NCAM1: variants seen among roughly 807,000 people sequenced by gnomAD.
NCAM1 encodes the protein neural cell adhesion molecule 1.
In NCAM1, 14 loss-of-function variants were observed where a neutral mutation model predicts 109.8. That is an observed-to-expected ratio of 0.13 (90% CI 0.08 to 0.20). The LOEUF (loss-of-function observed/expected upper bound fraction) is 0.20, where lower values mean the gene tolerates loss of function less well. Ranked by LOEUF, NCAM1 falls within the 10% of genes least tolerant of loss-of-function variation. NCAM1 has a pLI of 1.00. For synonymous variants in NCAM1, 418 were observed against 442.9 expected (o/e 0.94, Z 0.70); for missense variants, 774 against 1,109.9 (o/e 0.70, Z 4.30).
chr11:113,112,335 G>A (rs77841931), intron 1 of NCAM1, among the ~76,000 whole-genome samples: 3 of 152,140 alleles, frequency 2.0e-5, no homozygotes, highest in East Asian at 1.9e-4. Context: ...CCTTTAAAAG[G>A]CACAATAAAT....
At chr11:113,221,406 A>C (rs1395682798) in intron 9 of NCAM1, 81 bp downstream of exon 9, 3 of 1,378,982 alleles carry the variant, frequency 2.2e-6, no homozygotes, top group Non-Finnish European at 3.0e-6. Context: ...TAATAACCAG[A>C]CATGCTAAAC....
At chr11:113,230,031 A>G (rs1339354390) in intron 9 of NCAM1, among the ~76,000 whole-genome samples, 1 of 152,154 alleles carries the variant, frequency 6.6e-6, no homozygotes. Context: ...ATGTATACGT[A>G]TGTAACAAAC....
At chr11:112,971,723 A>G (rs572864674) in intron 1 of NCAM1, among the ~76,000 whole-genome samples, 7 of 152,230 alleles carry the variant, frequency 4.6e-5, no homozygotes, top group Admixed American at 2.6e-4. Context: ...GATAACTGGG[A>G]ATACCAGGTA....
rs1472534603 is a variant in NCAM1, at chr11:113,233,509, G to A, written c.1693+192G>A. ...CCCATGCTCTGTGCTTCAGAGCCTG[G>A]TTCTCATGACCCTTCCAGTATGGAT... On this transcript the variant is annotated intron_variant, in intron 13 of 19. Coordinates refer to ENST00000316851, the MANE Select transcript of NCAM1 (RefSeq NM_181351.5). The surrounding 1 kb of genome is among the most constrained non-coding windows in gnomAD (Gnocchi z 4.5). Among the ~76,000 whole-genome samples, 1 of 152,156 alleles carries A rather than the reference G, an allele frequency of 6.6e-6. No homozygotes were observed. The highest frequency in any genetic ancestry group is 2.4e-5 in the African/African-American group (1 of 41,432).
chr11:113,224,245 T>C (rs571743172), intron 9 of NCAM1, among the ~76,000 whole-genome samples: 1 of 152,308 alleles, frequency 6.6e-6, no homozygotes, highest in East Asian at 1.9e-4. Context: ...AATACTACAC[T>C]TTTCCGATGG....
At chr11:113,214,840 G>GTCCA (rs2137025051) in intron 8 of NCAM1, among the ~76,000 whole-genome samples, 1 of 152,262 alleles carries the variant, frequency 6.6e-6, no homozygotes, top group East Asian at 1.9e-4. Context: ...CAATATCCTG[G>GTCCA]TCCACCAGGT....
intron 1 of NCAM1, among the ~76,000 whole-genome samples, chr11:112,984,268 A>G (rs1453847680): frequency 6.6e-6 from 1 of 151,908 alleles, no homozygotes; most frequent in Admixed American, 6.6e-5. Context: ...ATATTCATAT[A>G]TATATATGAG....
At chr11:113,017,307 A>T (rs782310607) in intron 1 of NCAM1, among the ~76,000 whole-genome samples, 1 of 152,210 alleles carries the variant, frequency 6.6e-6, no homozygotes, top group Non-Finnish European at 1.5e-5. Context: ...TGGAAATTTA[A>T]TTGTGTTTAG....
chr11:113,216,342 C>T (rs971776784), intron 8 of NCAM1, among the ~76,000 whole-genome samples: 2 of 151,568 alleles, frequency 1.3e-5, no homozygotes, highest in Non-Finnish European at 2.9e-5. Flanking sequence ...TTAGTAGAGA[C>T]GGGGTTTCAC....
intron 1 of NCAM1, among the ~76,000 whole-genome samples, chr11:113,196,932 G>A (rs1943873364): frequency 1.3e-5 from 2 of 152,198 alleles, no homozygotes; most frequent in Admixed American, 1.3e-4. Flanking sequence ...AAAGGGAAGA[G>A]GTTTAATTGA....
In NCAM1 at chr11:113,115,426, G is replaced by T. The variant is rs563443669; in HGVS notation, c.53-86953G>T. On this transcript the variant is annotated intron_variant, in intron 1 of 19. Transcript: ENST00000316851. ...TTCCCCAATTCTGTGCTAAGGAAGT[G>T]AAATTGCCATCAGTTTTAGTTTTTA... Among the ~76,000 whole-genome samples, 10 of 152,272 alleles carry T rather than the reference G, an allele frequency of 6.6e-5. No homozygotes were observed. In the East Asian group the frequency reaches 1.9e-3, roughly 29 times the overall value.
intron 3 of NCAM1, 103 bp from the exon 4 acceptor site, chr11:113,205,420 C>A: frequency 7.0e-7 from 1 of 1,421,072 alleles, no homozygotes; most frequent in Non-Finnish European, 9.4e-7. Flanking sequence ...ACATCAGGAT[C>A]GAGACTTGCC....
intron 1 of NCAM1, among the ~76,000 whole-genome samples, chr11:113,011,335 G>A (rs1165937681): frequency 2.7e-5 from 4 of 150,022 alleles, no homozygotes; most frequent in African/African-American, 9.8e-5. Context: ...GTGTATATGT[G>A]CCACATTTTC....
At chr11:113,222,884 G>C (rs935947914) in intron 9 of NCAM1, among the ~76,000 whole-genome samples, 65 of 152,130 alleles carry the variant, frequency 4.3e-4, no homozygotes, top group African/African-American at 1.5e-3. Context: ...TCAAGTGAAT[G>C]CTGCCCCTAG....
chr11:113,018,373 C>T (rs1234196026), intron 1 of NCAM1, among the ~76,000 whole-genome samples: 1 of 151,696 alleles, frequency 6.6e-6, no homozygotes, highest in Admixed American at 6.6e-5. Context: ...CTAAAAGGTG[C>T]CTGCGTCTCC....
chr11:113,167,799 G>T (rs1011298040), intron 1 of NCAM1, among the ~76,000 whole-genome samples: 2 of 152,130 alleles, frequency 1.3e-5, no homozygotes, highest in Non-Finnish European at 2.9e-5. Flanking sequence ...GTTGGCAGGC[G>T]GACTTTTCTA....
chr11:113,035,719 G>A lies in NCAM1; in HGVS notation c.52+74055G>A, dbSNP rs563007808. On this transcript the variant is annotated intron_variant, in intron 1 of 19. Transcript: ENST00000316851. The stretch of plus-strand genomic sequence containing the variant: ...AACACTACCCCTGCTTTCCATATTT[G>A]CATTTATTAAGTATGTTTGGTCCAA... Among the ~76,000 whole-genome samples the A allele has an allele frequency of 4.6e-5, 7 of 152,208 alleles. No individual in the cohort carries two copies. In the East Asian group the frequency reaches 1.4e-3, roughly 29 times the overall value.
At chr11:113,217,300 C>G (rs1184575383) in intron 8 of NCAM1, among the ~76,000 whole-genome samples, 11 of 152,104 alleles carry the variant, frequency 7.2e-5, no homozygotes, top group African/African-American at 1.4e-4. Context: ...ACTTCCTTGC[C>G]CCTTCCTCTA....
chr11:113,117,455 T>C (rs1209855655), intron 1 of NCAM1, among the ~76,000 whole-genome samples: 1 of 151,892 alleles, frequency 6.6e-6, no homozygotes, highest in African/African-American at 2.4e-5. Flanking sequence ...TACCTTCCCG[T>C]CCCCCACTAA....
Sources: gnomAD v4.1 joint callset for allele counts (sites outside exome capture counted in the v4.1 genomes callset) on GRCh38, gnomAD v4.1.1 for gene constraint, Gnocchi (gnomAD v3.1) non-coding constraint, MANE v1.5 for transcripts, NCBI Gene and HGNC (gene_info 2026-07-23, HGNC 2026-07-21) for gene names.